Variants in ZNRF1 observed in about 807,000 individuals in gnomAD.
ZNRF1 encodes the protein E3 ubiquitin-protein ligase ZNRF1.
A neutral mutation model predicts 18.4 loss-of-function variants in ZNRF1; 3 were observed. The observed-to-expected ratio is 0.16, with a 90% CI of 0.07 to 0.42. The LOEUF (loss-of-function observed/expected upper bound fraction) is 0.42. Among genes scored for constraint, ZNRF1 ranks in the 10% least tolerant of loss-of-function variants. The probability of loss-of-function intolerance (pLI) is 0.99; values close to 1 mark genes in which losing one functional copy is unlikely to be tolerated. For missense variants in ZNRF1, 310 were observed against 329.8 expected (o/e 0.94, Z 0.47); for synonymous variants, 157 against 144.2 (o/e 1.09, Z -0.64).
chr16:75,105,248 T>TCCA, intron 3 of ZNRF1: 1 of 253,252 alleles, frequency 3.9e-6, no homozygotes, highest in Non-Finnish European at 7.9e-6. Context: ...GTCCCTCTGC[T>TCCA]CCACAGGGGT....
intron 1 of ZNRF1, among the ~76,000 whole-genome samples, chr16:75,036,671 C>T (rs1469404847): frequency 6.7e-6 from 1 of 149,564 alleles, no homozygotes; most frequent in African/African-American, 2.5e-5. Context: ...GAAACAACTT[C>T]ATTCATTTTC....
At chr16:75,064,480 C>T (rs376335365) in intron 1 of ZNRF1, among the ~76,000 whole-genome samples, 107 of 149,850 alleles carry the variant, frequency 7.1e-4, no homozygotes, top group African/African-American at 2.1e-3. Flanking sequence ...TGTTTGAGCC[C>T]GGGGTGCAGA....
Position 75,000,483 on chromosome 16 carries a change from T to A in ZNRF1, c.424+388T>A, listed in dbSNP as rs147869170. 640 of 392,566 alleles carry A rather than the reference T, an allele frequency of 1.6e-3. 8 individuals carry two copies. Among genetic ancestry groups the A allele is most frequent in the African/African-American group, 0.012 (586 of 48,444 alleles). The allele number at this position is 392,566 out of a possible 1,614,324, so 24.3% of individuals were successfully genotyped here. On this transcript the variant is annotated intron_variant, in intron 1 of 4. Transcript: ENST00000335325. ...ACCGGTAACGGAGAGATGGAGCCAG[T>A]TGGAGCAAGCAGTGTCTCCTAAACA...
intron 1 of ZNRF1, among the ~76,000 whole-genome samples, chr16:75,070,356 C>G (rs1300011844): frequency 6.6e-6 from 1 of 152,210 alleles, no homozygotes; most frequent in Non-Finnish European, 1.5e-5. Flanking sequence ...AATCCATTTA[C>G]TGCACCATGG....
At chr16:75,059,114 A>T (rs1045041299) in intron 1 of ZNRF1, among the ~76,000 whole-genome samples, 1 of 151,976 alleles carries the variant, frequency 6.6e-6, no homozygotes, top group Non-Finnish European at 1.5e-5. Context: ...TTTTGAGAGT[A>T]GGTGTCAGGA....
At chr16:75,088,818 A>G (rs951175799) in intron 1 of ZNRF1, among the ~76,000 whole-genome samples, 14 of 152,236 alleles carry the variant, frequency 9.2e-5, no homozygotes, top group African/African-American at 2.9e-4. Flanking sequence ...TAATGACTCA[A>G]TAAATGCAAA....
intron 1 of ZNRF1, among the ~76,000 whole-genome samples, chr16:75,018,513 A>G (rs891654715): frequency 1.3e-5 from 2 of 151,934 alleles, no homozygotes; most frequent in Admixed American, 6.6e-5. Context: ...GCTTTTTTTT[A>G]AAGGGAATGT....
chr16:75,095,160 A>C (rs2036182679), intron 2 of ZNRF1: 1 of 153,712 alleles, frequency 6.5e-6, no homozygotes, highest in South Asian at 2.0e-4. Context: ...CTCTGGATGC[A>C]GGTGGGCATA....
rs2034837362 is a variant in ZNRF1 at position 75,000,722 on chromosome 16, CGG to C, written c.424+629_424+630del. On this transcript the variant is annotated intron_variant, in intron 1 of 4. Transcript: ENST00000335325. The stretch of plus-strand genomic sequence containing the variant: ...AGTCTCGCGGGGGCTTTGCAGGACC[CGG>C]GCTGTGGTCACCCGTACTGCATGCA... Among the ~76,000 whole-genome samples the C allele has an allele frequency of 5.3e-5, 8 of 152,302 alleles. No individual in the cohort carries two copies. The South Asian group carries it at 1.7e-3, about 32-fold the overall frequency.
At chr16:75,032,460 G>A (rs941347959) in intron 1 of ZNRF1, among the ~76,000 whole-genome samples, 2 of 151,922 alleles carry the variant, frequency 1.3e-5, no homozygotes, top group African/African-American at 4.8e-5. Flanking sequence ...AAATGTCTAT[G>A]CAAGTCCTTT....
intron 1 of ZNRF1, among the ~76,000 whole-genome samples, chr16:75,043,215 C>T (rs888930018): frequency 6.6e-6 from 1 of 152,286 alleles, no homozygotes; most frequent in East Asian, 1.9e-4. Context: ...TTCCCTCAGC[C>T]CTGAGCTGTG....
At chr16:75,031,087 C>T (rs969016124) in intron 1 of ZNRF1, among the ~76,000 whole-genome samples, 1 of 151,568 alleles carries the variant, frequency 6.6e-6, no homozygotes, top group African/African-American at 2.4e-5. Context: ...CCGCCCACCT[C>T]AGCCTCCCAA....
Position 74,999,716 on chromosome 16 carries a change from C to G in ZNRF1, c.45C>G (p.Phe15Leu). ...CGGCGGCCCGCTCCCGGGGCCCCTT[C>G]CCGGGGGTCTCCACCGATGACAGCG... Reference protein sequence around the residue: ...QSTAARSRGPFPGVSTDDSAV... With the variant: ...QSTAARSRGPLPGVSTDDSAV... The change falls in exon 1 of 5, where the codon TTC becomes TTG. Residue 15 changes from phenylalanine (F) to leucine (L), a missense_variant. Transcript: ENST00000335325. 7.3e-7 allele frequency: 1 copy of G among 1,371,010 alleles called. No individual in the cohort carries two copies. The highest frequency in any genetic ancestry group is 2.6e-4 in the Middle Eastern group (1 of 3,904). The allele number at this position is 1,371,010 out of a possible 1,614,324, so 84.9% of individuals were successfully genotyped here.
At position 75,051,498 on chromosome 16, in the gene ZNRF1, C is replaced by T. The variant is rs141577678; in HGVS notation, c.425-42074C>T. ...TGTTGGGATTACAGGCATGAGCCAC[C>T]GCATCCAGCCTGCATCTTCCCCTTT... is the stretch of plus-strand genomic sequence containing the variant. On this transcript the variant is annotated intron_variant, in intron 1 of 4. Transcript: ENST00000335325. 6.4e-3 allele frequency among the ~76,000 whole-genome samples: 965 copies of T among 151,676 alleles called. 9 individuals are homozygous for T. Among genetic ancestry groups the T allele is most frequent in the Non-Finnish European group, 9.9e-3 (669 of 67,872 alleles).
chr16:75,032,068 G>A (rs1173519206), intron 1 of ZNRF1, among the ~76,000 whole-genome samples: 1 of 141,622 alleles, frequency 7.1e-6, no homozygotes, highest in Non-Finnish European at 1.5e-5. Flanking sequence ...TTATAGTTTT[G>A]ATTTGCAAAG....
At chr16:75,019,669 T>G (rs1436119758) in intron 1 of ZNRF1, among the ~76,000 whole-genome samples, 1 of 152,188 alleles carries the variant, frequency 6.6e-6, no homozygotes, top group East Asian at 1.9e-4. Context: ...ATCAGTTATG[T>G]TGTCCAAATC....
At chr16:75,003,642 C>T (rs1218749339) in intron 1 of ZNRF1, among the ~76,000 whole-genome samples, 2 of 152,162 alleles carry the variant, frequency 1.3e-5, no homozygotes, top group African/African-American at 4.8e-5. Flanking sequence ...TCTTCCGCCT[C>T]TTATCTGAAA....
At chr16:75,030,114 A>G (rs906507206) in intron 1 of ZNRF1, among the ~76,000 whole-genome samples, 68 of 151,886 alleles carry the variant, frequency 4.5e-4, no homozygotes, top group African/African-American at 1.6e-3. Flanking sequence ...ATACCATACA[A>G]TTCACTCATT....
intron 3 of ZNRF1, 118 bp downstream of exon 3, chr16:75,105,007 C>T (rs1242216095): frequency 2.8e-5 from 23 of 831,920 alleles, no homozygotes; most frequent in African/African-American, 3.4e-5. Context: ...CCTCTGGCTC[C>T]GAGCGGGTAA....
Sources: gnomAD v4.1 joint callset for allele counts (sites outside exome capture counted in the v4.1 genomes callset) on GRCh38, gnomAD v4.1.1 for gene constraint, MANE v1.5 for transcripts, NCBI Gene and HGNC (gene_info 2026-07-23, HGNC 2026-07-21) for gene names.